ZNF827: variants seen among roughly 807,000 people sequenced by gnomAD.
ZNF827 encodes zinc finger protein 827.
Under a neutral mutation model 102.4 loss-of-function variants are expected in ZNF827, and 13 were observed. The observed-to-expected ratio is 0.13, with a 90% CI of 0.08 to 0.20. The LOEUF (loss-of-function observed/expected upper bound fraction) is 0.20. Ranked by LOEUF, ZNF827 falls within the 10% of genes least tolerant of loss-of-function variation. The pLI is 1.00. For synonymous variants in ZNF827, 523 were observed against 536.2 expected, an observed-to-expected ratio of 0.98 and a Z score of 0.34; for missense variants, 1,103 against 1,344.4, an observed-to-expected ratio of 0.82 and a Z score of 2.81.
intron 5 of ZNF827, among the ~76,000 whole-genome samples, chr4:145,851,199 T>C (rs928094994): frequency 1.3e-5 from 2 of 152,116 alleles, no homozygotes; most frequent in African/African-American, 4.8e-5. Flanking sequence ...TCCAGAACCA[T>C]GAGAGAATAA....
At chr4:145,910,419 A>T (rs1033527853) in intron 1 of ZNF827, among the ~76,000 whole-genome samples, 2 of 151,894 alleles carry the variant, frequency 1.3e-5, no homozygotes, top group African/African-American at 4.8e-5. Context: ...AATTACTTAG[A>T]CCCAAAACCA....
intron 5 of ZNF827, among the ~76,000 whole-genome samples, chr4:145,854,460 G>T (rs551977646): frequency 6.6e-5 from 10 of 152,250 alleles, no homozygotes; most frequent in Non-Finnish European, 7.4e-5. Context: ...GTCCCACCTG[G>T]TGTGGTGGCA....
chr4:145,929,459 A>G (rs530151396), intron 1 of ZNF827, among the ~76,000 whole-genome samples: 6 of 152,344 alleles, frequency 3.9e-5, no homozygotes, highest in Middle Eastern at 6.8e-3. Context: ...TATAATGCAT[A>G]TGATTATTAC....
At chr4:145,869,214 C>T (rs1473890862) in intron 5 of ZNF827, among the ~76,000 whole-genome samples, 1 of 152,200 alleles carries the variant, frequency 6.6e-6, no homozygotes, top group Non-Finnish European at 1.5e-5. Context: ...ACCCCACCAA[C>T]TGGTAAGTAC....
chr4:145,839,860 G>A (rs1745247014), intron 7 of ZNF827, among the ~76,000 whole-genome samples: 1 of 152,198 alleles, frequency 6.6e-6, no homozygotes, highest in Non-Finnish European at 1.5e-5. Flanking sequence ...AGTGTCCATG[G>A]GAAATGAAAA....
intron 8 of ZNF827, among the ~76,000 whole-genome samples, chr4:145,813,427 T>C (rs1742245944): frequency 6.6e-6 from 1 of 152,176 alleles, no homozygotes; most frequent in Non-Finnish European, 1.5e-5. Flanking sequence ...AACTTTATCA[T>C]AGGTATGTGT....
chr4:145,875,339 G>T (rs1749067316), intron 4 of ZNF827, among the ~76,000 whole-genome samples: 1 of 152,152 alleles, frequency 6.6e-6, no homozygotes, highest in South Asian at 2.1e-4. Context: ...CCAAATCACA[G>T]ATCTAATTCA....
intron 1 of ZNF827, among the ~76,000 whole-genome samples, chr4:145,923,936 T>G (rs555422238): frequency 2.3e-4 from 35 of 152,268 alleles, no homozygotes; most frequent in African/African-American, 7.7e-4. Context: ...CTTAGAGAAA[T>G]TCACACTCAG....
chr4:145,800,877 T>C (rs1414731220), intron 8 of ZNF827, among the ~76,000 whole-genome samples: 1 of 152,158 alleles, frequency 6.6e-6, no homozygotes, highest in Non-Finnish European at 1.5e-5. Context: ...GTATCCTGGG[T>C]TGCAGATTTT....
intron 7 of ZNF827, chr4:145,832,178 T>C (rs4835018): frequency 0.28 from 41,885 of 152,088 alleles, 6,993 homozygotes; most frequent in East Asian, 0.8. Flanking sequence ...GGTGGGAGGA[T>C]CACTTGAGCC....
intron 7 of ZNF827, chr4:145,834,945 T>C (rs1384991421): frequency 3.8e-4 from 57 of 151,996 alleles, no homozygotes; most frequent in African/African-American, 1.2e-3. Flanking sequence ...CTCCAGCACA[T>C]AAGAACTTCC....
intron 5 of ZNF827, among the ~76,000 whole-genome samples, chr4:145,856,286 T>G (rs1397540615): frequency 1.3e-5 from 2 of 152,204 alleles, no homozygotes; most frequent in African/African-American, 4.8e-5. Context: ...TGAGCCACCG[T>G]GTCTCCAGCC....
chr4:145,817,612 C>T (rs544128805), intron 8 of ZNF827, among the ~76,000 whole-genome samples: 1 of 152,280 alleles, frequency 6.6e-6, no homozygotes, highest in African/African-American at 2.4e-5. Flanking sequence ...ACGACAACAG[C>T]ATGGGAGAAA....
intron 7 of ZNF827, chr4:145,839,350 G>A (rs909367392): frequency 1.3e-5 from 2 of 152,288 alleles, no homozygotes; most frequent in African/African-American, 4.8e-5. Flanking sequence ...GACCAAGGAA[G>A]TGAACCCTGC....
At chr4:145,840,860 A>G (rs1485772986) in intron 7 of ZNF827, among the ~76,000 whole-genome samples, 1 of 152,234 alleles carries the variant, frequency 6.6e-6, no homozygotes, top group African/African-American at 2.4e-5. Context: ...TTCCAAGTGA[A>G]TATGTCTTTT....
chr4:145,775,135 G>A (rs1176903920), intron 10 of ZNF827, among the ~76,000 whole-genome samples: 1 of 152,054 alleles, frequency 6.6e-6, no homozygotes, highest in Admixed American at 6.6e-5. Flanking sequence ...TTGTTGTATG[G>A]CACTCCAAGC....
intron 2 of ZNF827, 76 bp from the exon 3 acceptor site, chr4:145,892,491 C>T (rs1750679203): frequency 1.4e-6 from 2 of 1,386,330 alleles, no homozygotes; most frequent in African/African-American, 1.4e-5. Flanking sequence ...TTCACATACA[C>T]TGCCATATAA....
At chr4:145,826,610 T>G (rs1743706965) in intron 7 of ZNF827, among the ~76,000 whole-genome samples, 1 of 152,274 alleles carries the variant, frequency 6.6e-6, no homozygotes, top group Admixed American at 6.5e-5. Flanking sequence ...ATAATTGTCC[T>G]ATTTTATTAT....
chr4:145,911,502 A>G (rs1752292159), intron 1 of ZNF827, among the ~76,000 whole-genome samples: 1 of 152,244 alleles, frequency 6.6e-6, no homozygotes, highest in South Asian at 2.1e-4. Flanking sequence ...TACTAGACCT[A>G]TTAACCCCAC....
Sources: allele counts gnomAD v4.1 joint callset (sites outside exome capture counted in the v4.1 genomes callset), GRCh38; gene constraint gnomAD v4.1.1; transcripts MANE v1.5; gene names NCBI Gene and HGNC (gene_info 2026-07-23, HGNC 2026-07-21).